Variants in TANC2 observed in about 807,000 individuals in gnomAD.
The protein encoded by TANC2 is protein TANC2.
A neutral mutation model predicts 210.5 loss-of-function variants in TANC2; 26 were observed. That is an observed-to-expected ratio of 0.12 (90% confidence interval 0.09 to 0.17). The LOEUF is 0.17. Ranked by LOEUF, TANC2 falls within the 10% of genes least tolerant of loss-of-function variation. TANC2 has a pLI of 1.00. For synonymous variants in TANC2, 931 were observed against 967.1 expected (o/e 0.96, Z 0.69); for missense variants, 2,129 against 2,608.9 (o/e 0.82, Z 4.01).
chr17:63,383,791 T>A (rs1264153659), intron 15 of TANC2, among the ~76,000 whole-genome samples: 6 of 152,172 alleles, frequency 3.9e-5, no homozygotes. Context: ...CCAGACTAGT[T>A]TCCAAAGTGG....
intron 2 of TANC2, among the ~76,000 whole-genome samples, chr17:63,063,529 GACGT>G (rs2036071338): frequency 7.7e-6 from 1 of 129,310 alleles, no homozygotes; most frequent in African/African-American, 3.2e-5. Context: ...CTGGGACAAA[GACGT>G]GTGTGTGTGT....
chr17:63,387,915 A>C (rs1254860023), intron 15 of TANC2: 1 of 152,248 alleles, frequency 6.6e-6, no homozygotes, highest in East Asian at 1.9e-4. Flanking sequence ...ATATTAGTTA[A>C]GGTGAAGAAC....
intron 5 of TANC2, among the ~76,000 whole-genome samples, chr17:63,183,673 T>A (rs1298650968): frequency 2.0e-5 from 3 of 152,182 alleles, no homozygotes; most frequent in African/African-American, 2.4e-5. Flanking sequence ...AAATATTTTT[T>A]AAAATTTAAG....
chr17:62,974,979 A>G (rs2031920093), intron 1 of TANC2, among the ~76,000 whole-genome samples: 2 of 152,204 alleles, frequency 1.3e-5, no homozygotes. Flanking sequence ...CCATGCTAGC[A>G]TTATCATATG....
At chr17:63,098,674 T>C (rs2037506276) in intron 3 of TANC2, among the ~76,000 whole-genome samples, 1 of 151,908 alleles carries the variant, frequency 6.6e-6, no homozygotes, top group Admixed American at 6.6e-5. Flanking sequence ...AAACAGCATG[T>C]AATTACTCTT....
At chr17:63,192,578 T>C (rs909836833) in intron 5 of TANC2, among the ~76,000 whole-genome samples, 2 of 151,902 alleles carry the variant, frequency 1.3e-5, no homozygotes, top group Non-Finnish European at 2.9e-5. Flanking sequence ...GTTGTGCTCA[T>C]TGGGAGCATA....
intron 4 of TANC2, among the ~76,000 whole-genome samples, chr17:63,099,897 A>G (rs1321709166): frequency 6.6e-6 from 1 of 152,138 alleles, no homozygotes; most frequent in Admixed American, 6.6e-5. Context: ...TGATCTCACA[A>G]TATGTATTAC....
intron 6 of TANC2, among the ~76,000 whole-genome samples, chr17:63,199,026 A>C (rs138450278): frequency 6.6e-6 from 1 of 152,188 alleles, no homozygotes; most frequent in Non-Finnish European, 1.5e-5. Flanking sequence ...AGTCAAATTT[A>C]TCTTTTGTAA....
intron 25 of TANC2, among the ~76,000 whole-genome samples, chr17:63,415,125 G>C (rs772617575): frequency 5.9e-5 from 9 of 152,220 alleles, no homozygotes; most frequent in Non-Finnish European, 1.0e-4. Context: ...CAGTTCTCCA[G>C]ACAAGCCAGA....
At chr17:63,186,626 G>A (rs895784265) in intron 5 of TANC2, among the ~76,000 whole-genome samples, 5 of 152,022 alleles carry the variant, frequency 3.3e-5, no homozygotes, top group African/African-American at 1.2e-4. Flanking sequence ...AAAGTGCTGG[G>A]ATTACAGGCG....
chr17:63,424,818 AG>A (rs2049106863), exon 28 of TANC2: 1 of 152,134 alleles, frequency 6.6e-6, no homozygotes, highest in Non-Finnish European at 1.5e-5. Context: ...TCAAGAAAAA[AG>A]GAAAGGAAAG....
At chr17:63,021,974 A>C (rs192127569) in intron 2 of TANC2, among the ~76,000 whole-genome samples, 15 of 152,336 alleles carry the variant, frequency 9.8e-5, no homozygotes, top group Admixed American at 9.8e-4. Context: ...AATAAAGGCT[A>C]TTCTTGTTAG....
intron 2 of TANC2, among the ~76,000 whole-genome samples, chr17:63,055,611 C>T (rs527422487): frequency 2.0e-5 from 3 of 149,396 alleles, no homozygotes; most frequent in African/African-American, 7.4e-5. Flanking sequence ...ATTCTATTTC[C>T]TGTACTCTGG....
rs183595185 is a variant in TANC2 at position 63,427,008 on chromosome 17, C to G, written c.*5053C>G. On this transcript the variant is annotated 3_prime_UTR_variant, in exon 28 of 28. Transcript: ENST00000689528. Reference sequence around the variant, plus strand: ...AAAAAAAGTTAAGAGATGCCGGCTCCAGATCTCCACTTCATTCACAGGTGA... The same window carrying G: ...AAAAAAAGTTAAGAGATGCCGGCTCGAGATCTCCACTTCATTCACAGGTGA... The G allele has an allele frequency of 1.4e-3, 214 of 151,632 alleles. 1 individual carries two copies. Among genetic ancestry groups the G allele is most frequent in the African/African-American group, 5.0e-3 (206 of 41,320 alleles). The allele number at this position is 151,632 out of a possible 1,614,324, so 9.4% of individuals were successfully genotyped here. A position where few individuals can be genotyped will look rare whatever the true frequency, so the allele number is the denominator to read the frequency against.
At chr17:63,389,732 C>CAGTTCTAA in intron 17 of TANC2, 188 bp downstream of exon 17, 2 of 631,978 alleles carry the variant, frequency 3.2e-6, no homozygotes, top group South Asian at 3.8e-5. Context: ...CAGGAGCACA[C>CAGTTCTAA]AGTTCTAAAC....
At chr17:63,168,435 T>G (rs913925847) in intron 5 of TANC2, among the ~76,000 whole-genome samples, 4 of 152,200 alleles carry the variant, frequency 2.6e-5, no homozygotes, top group Admixed American at 2.0e-4. Flanking sequence ...AAGGGACCAT[T>G]CTTCCTACCT....
intron 1 of TANC2, among the ~76,000 whole-genome samples, chr17:62,991,133 G>T (rs966148828): frequency 6.6e-6 from 1 of 152,120 alleles, no homozygotes. Context: ...AAAGGGGCAA[G>T]GGAGTTTGGG....
chr17:63,233,791 C>A (rs2042546325), intron 7 of TANC2, among the ~76,000 whole-genome samples: 1 of 152,186 alleles, frequency 6.6e-6, no homozygotes, highest in Non-Finnish European at 1.5e-5. Flanking sequence ...TTCTTACGAA[C>A]TTTGCTGTGC....
At chr17:62,986,954 GCA>G (rs1348235030) in intron 1 of TANC2, among the ~76,000 whole-genome samples, 3 of 152,164 alleles carry the variant, frequency 2.0e-5, no homozygotes, top group African/African-American at 4.8e-5. Flanking sequence ...GACTGCAGGT[GCA>G]TGTCCATTGG....
Sources: gnomAD v4.1 joint callset for allele counts (sites outside exome capture counted in the v4.1 genomes callset) on GRCh38, gnomAD v4.1.1 for gene constraint, MANE v1.5 for transcripts, NCBI Gene and HGNC (gene_info 2026-07-23, HGNC 2026-07-21) for gene names.